Variants in SAMD5 observed in about 807,000 individuals in gnomAD.
SAMD5 encodes sterile alpha motif domain containing 5, also known as sterile alpha motif domain-containing protein 5.
SAMD5 carries 13 observed loss-of-function variants against 11.3 expected under a neutral mutation model. That is an observed-to-expected ratio of 1.15 (90% CI 0.75 to 1.83). The LOEUF is 1.83. SAMD5 is among the 40% of genes most tolerant of loss of function. The pLI, the probability that SAMD5 is intolerant of heterozygous loss-of-function variation, is 0.00. For synonymous variants in SAMD5, 129 were observed against 111.3 expected (o/e 1.16, Z -1.00); for missense variants, 255 against 239.1 (o/e 1.07, Z -0.44).
At chr6:147,592,281 T>C (rs988885480) in intron 1 of SAMD5, among the ~76,000 whole-genome samples, 5 of 152,120 alleles carry the variant, frequency 3.3e-5, no homozygotes, top group African/African-American at 1.2e-4. Flanking sequence ...TTTTCTCCTA[T>C]GAATTGTTCC....
At chr6:147,628,846 T>G (rs1421313546) in intron 1 of SAMD5, among the ~76,000 whole-genome samples, 2 of 152,170 alleles carry the variant, frequency 1.3e-5, no homozygotes, top group African/African-American at 4.8e-5. Flanking sequence ...GGGTTCATAA[T>G]TGATTGAATA....
chr6:147,789,479 AT>A, the SAMD5 span, among the ~76,000 whole-genome samples: 59 of 152,170 alleles, frequency 3.9e-4, no homozygotes, highest in Non-Finnish European at 7.2e-4. Flanking sequence ...TAAAGTAAGC[AT>A]TTTATTTGAA....
the SAMD5 span, among the ~76,000 whole-genome samples, chr6:147,782,193 A>G: frequency 3.9e-5 from 6 of 152,154 alleles, no homozygotes; most frequent in Non-Finnish European, 8.8e-5. Context: ...TAGGAGGTCA[A>G]AGAAAATAAA....
chr6:147,878,229 G>A, the SAMD5 span, among the ~76,000 whole-genome samples: 2 of 151,980 alleles, frequency 1.3e-5, no homozygotes, highest in Non-Finnish European at 2.9e-5. Flanking sequence ...TCAGTACCTG[G>A]TGAGGACCCT....
At chr6:147,878,647 A>G in the SAMD5 span, among the ~76,000 whole-genome samples, 1 of 146,868 alleles carries the variant, frequency 6.8e-6, no homozygotes, top group Admixed American at 6.8e-5. Flanking sequence ...ATTTACAGAG[A>G]TTTATACATG....
intron 1 of SAMD5, among the ~76,000 whole-genome samples, chr6:147,619,776 C>G (rs998155963): frequency 2.0e-5 from 3 of 152,070 alleles, no homozygotes; most frequent in African/African-American, 7.2e-5. Flanking sequence ...CTGGAGAGGC[C>G]ATCACAAAGT....
the SAMD5 span, among the ~76,000 whole-genome samples, chr6:147,863,699 G>A: frequency 3.5e-3 from 525 of 151,420 alleles, 6 homozygotes; most frequent in East Asian, 0.029. Flanking sequence ...GACCTTTCAC[G>A]ATGAACCTGA....
the SAMD5 span, among the ~76,000 whole-genome samples, chr6:147,857,127 G>A: frequency 6.6e-6 from 1 of 151,738 alleles, no homozygotes; most frequent in Non-Finnish European, 1.5e-5. Flanking sequence ...ACAAGACACA[G>A]TTGGAACATT....
At chr6:147,674,486 C>T (rs775016567) in intron 1 of SAMD5, among the ~76,000 whole-genome samples, 4 of 152,242 alleles carry the variant, frequency 2.6e-5, no homozygotes, top group South Asian at 2.1e-4. Context: ...TAAAATCTGG[C>T]GGGCATTCTC....
intron 1 of SAMD5, among the ~76,000 whole-genome samples, chr6:147,583,848 G>A (rs80168335): frequency 0.041 from 4,895 of 119,014 alleles, 113 homozygotes; most frequent in Middle Eastern, 0.096. Context: ...CACACAAAAT[G>A]GCTATTTACC....
the SAMD5 span, among the ~76,000 whole-genome samples, chr6:147,887,359 C>A: frequency 1.3e-5 from 2 of 152,172 alleles, no homozygotes. Flanking sequence ...CATTACCATC[C>A]AACCTCTGAT....
At chr6:147,935,458 G>A in the SAMD5 span, among the ~76,000 whole-genome samples, 2 of 152,134 alleles carry the variant, frequency 1.3e-5, no homozygotes, top group Non-Finnish European at 2.9e-5. Flanking sequence ...TGAAGCAAAA[G>A]TAGAGAAGGA....
chr6:147,864,623 T>G, the SAMD5 span, among the ~76,000 whole-genome samples: 1 of 152,224 alleles, frequency 6.6e-6, no homozygotes, highest in Non-Finnish European at 1.5e-5. Flanking sequence ...AAAGGAATCC[T>G]GTGATAGACG....
chr6:147,781,194 C>T, the SAMD5 span, among the ~76,000 whole-genome samples: 3 of 142,706 alleles, frequency 2.1e-5, no homozygotes, highest in African/African-American at 2.6e-5. Flanking sequence ...CTCATTTTGT[C>T]ATCCAAGCTA....
At chr6:147,604,672 C>T (rs556677435) in intron 1 of SAMD5, among the ~76,000 whole-genome samples, 2 of 152,266 alleles carry the variant, frequency 1.3e-5, no homozygotes, top group African/African-American at 2.4e-5. Flanking sequence ...GATTCTCCAG[C>T]GCATTGACTT....
At chr6:147,805,295 A>G in the SAMD5 span, among the ~76,000 whole-genome samples, 4 of 152,242 alleles carry the variant, frequency 2.6e-5, no homozygotes, top group Non-Finnish European at 5.9e-5. Flanking sequence ...CAAGTGCAGC[A>G]TAAGTCTTCC....
chr6:147,822,615 A>G, the SAMD5 span, among the ~76,000 whole-genome samples: 1 of 152,052 alleles, frequency 6.6e-6, no homozygotes, highest in Non-Finnish European at 1.5e-5. Flanking sequence ...GGGTCATTTT[A>G]TTTATGTGTC....
At chr6:147,946,145 C>T in the SAMD5 span, among the ~76,000 whole-genome samples, 242 of 152,282 alleles carry the variant, frequency 1.6e-3, no homozygotes, top group Non-Finnish European at 2.6e-3. Context: ...ACCCTTCTCT[C>T]CCCCAACCCT....
intron 1 of SAMD5, among the ~76,000 whole-genome samples, chr6:147,716,768 T>A (rs1326015300): frequency 6.6e-6 from 1 of 152,200 alleles, no homozygotes; most frequent in Non-Finnish European, 1.5e-5. Context: ...AAACTAAAGA[T>A]ACTTCTATTT....
Sources: allele counts gnomAD v4.1 joint callset (sites outside exome capture counted in the v4.1 genomes callset), GRCh38; gene constraint gnomAD v4.1.1; transcripts MANE v1.5; gene names NCBI Gene and HGNC (gene_info 2026-07-23, HGNC 2026-07-21).